PCNX1: variants seen among roughly 807,000 people sequenced by gnomAD.
PCNX1 encodes pecanex 1, also known as pecanex-like protein 1.
In PCNX1, 78 loss-of-function variants were observed where a neutral mutation model predicts 242.2. The ratio of observed to expected loss-of-function variants is 0.32; its 90% CI spans 0.27 to 0.39. The LOEUF (loss-of-function observed/expected upper bound fraction) is 0.39, where lower values mean the gene tolerates loss of function less well. PCNX1 is among the 10% of genes least tolerant of loss of function. The probability of loss-of-function intolerance (pLI) is 1.00; values close to 1 mark genes in which losing one functional copy is unlikely to be tolerated. For synonymous variants in PCNX1, 1,024 were observed against 1,032.9 expected (o/e 0.99, Z 0.17); for missense variants, 2,581 against 2,856.5 (o/e 0.90, Z 2.20).
chr14:70,922,160 A>G (rs2056404268), intron 1 of PCNX1, among the ~76,000 whole-genome samples: 1 of 152,214 alleles, frequency 6.6e-6, no homozygotes, highest in South Asian at 2.1e-4. Context: ...TACAACTTAT[A>G]TAGTGCTTTT....
At chr14:71,037,843 C>A (rs2060586842) in intron 19 of PCNX1, among the ~76,000 whole-genome samples, 1 of 147,626 alleles carries the variant, frequency 6.8e-6, no homozygotes, top group Non-Finnish European at 1.5e-5. Context: ...GCTACAGTAA[C>A]CAAAACAGCA....
chr14:71,068,138 C>A (rs2061493612), intron 26 of PCNX1, among the ~76,000 whole-genome samples: 1 of 151,814 alleles, frequency 6.6e-6, no homozygotes. Flanking sequence ...ACCAGCCTGA[C>A]CAACATGGTG....
rs1390644116 is a variant in PCNX1 at position 71,033,986 on chromosome 14, C to A, written c.3724C>A (p.Pro1242Thr). Residue 1242 changes from proline to threonine, a missense_variant, in exon 18 of 36, where the codon CCT becomes ACT. This residue lies in a region of PCNX1 where 432 missense variants were observed against 443.1 expected (regional missense o/e 0.97). Coordinates refer to ENST00000304743, the MANE Select transcript of PCNX1 (RefSeq NM_014982.3). ...AACGGAAGAGAAAAATCCAGAAGACCCTCTATCTGAAGTAAAAGATCCACT... is the reference window on the plus strand; with the variant it reads ...AACGGAAGAGAAAAATCCAGAAGACACTCTATCTGAAGTAAAAGATCCACT... ...PKTEEKNPED[P>T]LSEVKDPLPE... The A allele has an allele frequency of 6.2e-7, 1 of 1,609,358 alleles. No individual in the cohort carries two copies. The highest frequency in any genetic ancestry group is 2.2e-5 in the East Asian group (1 of 44,648).
At chr14:70,919,829 T>C (rs879908113) in intron 1 of PCNX1, among the ~76,000 whole-genome samples, 5 of 150,298 alleles carry the variant, frequency 3.3e-5, no homozygotes, top group Non-Finnish European at 7.4e-5. Flanking sequence ...TAACTTGCAC[T>C]GTCAGTGCTA....
chr14:71,043,822 A>G (rs1020282175), intron 19 of PCNX1, among the ~76,000 whole-genome samples: 10 of 152,110 alleles, frequency 6.6e-5, no homozygotes, highest in South Asian at 2.1e-4. Context: ...CAGACAATTC[A>G]TAGATTTCCT....
intron 7 of PCNX1, among the ~76,000 whole-genome samples, chr14:70,992,758 G>A (rs2059206130): frequency 1.3e-5 from 2 of 152,124 alleles, no homozygotes; most frequent in African/African-American, 4.8e-5. Flanking sequence ...ACTCAAACTG[G>A]TAGTTTTGAC....
intron 9 of PCNX1, 107 bp from the exon 10 acceptor site, chr14:71,011,385 T>C: frequency 1.4e-6 from 1 of 715,750 alleles, no homozygotes; most frequent in South Asian, 1.6e-5. Flanking sequence ...TTTTGCATTT[T>C]GAAGTTAACA....
chr14:71,105,337 C>T lies in PCNX1; in HGVS notation c.6198C>T (p.Ala2066=). The T allele has an allele frequency of 1.2e-6, 2 of 1,614,022 alleles. No individual in the cohort carries two copies. Among genetic ancestry groups the T allele is most frequent in the Non-Finnish European group, 1.7e-6 (2 of 1,179,928 alleles). The change falls in exon 33 of 36, where the codon GCC becomes GCT. Residue 2066 remains alanine (A), a synonymous_variant. Transcript: ENST00000304743. The part of the protein sequence containing the change: ...TSCTGNNATT[A]NNPHSNVTQG... Reference sequence around the variant, plus strand: ...GCACTGGTAACAATGCAACAACTGCCAACAATCCCCACAGCAACGTGACCC... The same window carrying T: ...GCACTGGTAACAATGCAACAACTGCTAACAATCCCCACAGCAACGTGACCC...
rs535878494 is a variant in PCNX1, at chr14:71,098,893, A to G, written c.5590-3097A>G. Among the ~76,000 whole-genome samples the G allele has an allele frequency of 5.1e-4, 78 of 151,934 alleles. 1 individual carries two copies. The highest frequency in any genetic ancestry group is 9.4e-4 in the Non-Finnish European group (64 of 67,970). The stretch of plus-strand genomic sequence containing the variant: ...TGTTTTGTTCTGGTTCTCAAGGGGG[A>G]TGCTTCCAGCTTTTCCCCATTCAGT... On this transcript the variant is annotated intron_variant, in intron 30 of 35. Transcript: ENST00000304743.
chr14:70,968,957 G>T (rs2058460582), intron 4 of PCNX1, 64 bp from the exon 5 acceptor site: 3 of 906,744 alleles, frequency 3.3e-6, no homozygotes, highest in African/African-American at 1.6e-5. Flanking sequence ...ATACTCCTTG[G>T]TTATGCCACC....
intron 3 of PCNX1, among the ~76,000 whole-genome samples, chr14:70,963,927 A>G (rs2058298979): frequency 6.6e-6 from 1 of 152,214 alleles, no homozygotes; most frequent in Non-Finnish European, 1.5e-5. Context: ...GGACTGATCT[A>G]GTGAGTACAG....
chr14:70,918,842 A>G (rs919204432), intron 1 of PCNX1, among the ~76,000 whole-genome samples: 2 of 150,556 alleles, frequency 1.3e-5, no homozygotes, highest in Non-Finnish European at 3.0e-5. Flanking sequence ...ACTGTTATCA[A>G]TTTCTTATTC....
At chr14:71,109,421 T>C (rs2062708560) in intron 34 of PCNX1, 31 bp from the exon 35 acceptor site, 1 of 1,568,464 alleles carries the variant, frequency 6.4e-7, no homozygotes, top group Non-Finnish European at 8.7e-7. Context: ...AAGAAAAAAA[T>C]GAATTGGAAA....
Position 70,907,792 on chromosome 14 carries a change from T to C in PCNX1, c.-59T>C. ...CAGGCTCCGGCGACCGAGGCCGAGC[T>C]GGGGCCGGGGCGGGGACGGCGGCGG... On this transcript the variant is annotated 5_prime_UTR_variant, in exon 1 of 36. Coordinates refer to ENST00000304743, the MANE Select transcript of PCNX1 (RefSeq NM_014982.3). The C allele has an allele frequency of 8.3e-7, 1 of 1,208,556 alleles. No homozygotes were observed. Among genetic ancestry groups the C allele is most frequent in the Non-Finnish European group, 1.0e-6 (1 of 973,402 alleles). The allele number at this position is 1,208,556 out of a possible 1,614,324, so 74.9% of individuals were successfully genotyped here.
intron 34 of PCNX1, 89 bp from the exon 35 acceptor site, chr14:71,109,363 C>T (rs61990456): frequency 1.7e-6 from 2 of 1,166,214 alleles, no homozygotes; most frequent in African/African-American, 1.6e-5. Context: ...AAAGTAATTC[C>T]TCTCTGTGAA....
chr14:70,994,389 G>A (rs1181366012), intron 7 of PCNX1, among the ~76,000 whole-genome samples: 4 of 74,450 alleles, frequency 5.4e-5, no homozygotes, highest in Non-Finnish European at 1.2e-4. Context: ...CATAACCACA[G>A]GCTTAAGATA....
intron 6 of PCNX1, among the ~76,000 whole-genome samples, chr14:70,986,013 A>G (rs2058991965): frequency 6.6e-6 from 1 of 152,200 alleles, no homozygotes; most frequent in African/African-American, 2.4e-5. Context: ...TGGCTATAAC[A>G]TATGTGACTG....
intron 1 of PCNX1, among the ~76,000 whole-genome samples, chr14:70,943,749 G>T (rs1463083590): frequency 6.8e-6 from 1 of 147,978 alleles, no homozygotes; most frequent in Non-Finnish European, 1.5e-5. Context: ...CCCATCACGA[G>T]CCCAGAGGCC....
In PCNX1 at chr14:70,990,975, A is replaced by G. The variant is rs151262451; in HGVS notation, c.2444+2276A>G. Among the ~76,000 whole-genome samples, 188 of 151,758 alleles carry G rather than the reference A, an allele frequency of 1.2e-3. 6 individuals are homozygous for G. In the East Asian group the frequency reaches 0.031, roughly 25 times the overall value. The stretch of plus-strand genomic sequence containing the variant: ...TGTTTATATAAAACTTTTTTTTTTA[A>G]CTTTTGCTTTTCAGTTTTTAAAAAT... On this transcript the variant is annotated intron_variant, in intron 7 of 35. Coordinates refer to ENST00000304743, the MANE Select transcript of PCNX1 (RefSeq NM_014982.3).
Sources: gnomAD v4.1 joint callset for allele counts (sites outside exome capture counted in the v4.1 genomes callset) on GRCh38, gnomAD v4.1.1 for gene constraint, gnomAD v4.1.1 regional missense constraint, MANE v1.5 for transcripts, NCBI Gene and HGNC (gene_info 2026-07-23, HGNC 2026-07-21) for gene names.